CACNA2D3: variants seen among roughly 807,000 people sequenced by gnomAD.
CACNA2D3 encodes voltage-dependent calcium channel subunit alpha-2/delta-3.
CACNA2D3 carries 60 observed loss-of-function variants against 160.6 expected under a neutral mutation model. The observed-to-expected ratio is 0.37, with a 90% confidence interval of 0.30 to 0.46. The LOEUF (loss-of-function observed/expected upper bound fraction) is 0.46. Among genes scored for constraint, CACNA2D3 ranks in the 20% least tolerant of loss-of-function variants. The probability of loss-of-function intolerance (pLI) is 1.00; values close to 1 mark genes in which losing one functional copy is unlikely to be tolerated. For missense variants in CACNA2D3, 1,205 were observed against 1,365.0 expected (o/e 0.88, Z 1.85); for synonymous variants, 558 against 492.9 (o/e 1.13, Z -1.75).
chr3:54,673,642 C>A (rs547227904), intron 11 of CACNA2D3, among the ~76,000 whole-genome samples: 16 of 152,300 alleles, frequency 1.1e-4, no homozygotes, highest in South Asian at 6.2e-4. Context: ...ACTTAAATGA[C>A]AATCTTTTGT....
chr3:54,597,496 G>A (rs12494792), intron 9 of CACNA2D3, among the ~76,000 whole-genome samples: 35,266 of 152,088 alleles, frequency 0.23, 4,889 homozygotes, highest in Admixed American at 0.36. Context: ...TTAAAAGGGT[G>A]TCTAGCCCAT....
chr3:54,175,046 G>T (rs1343959100), intron 2 of CACNA2D3, among the ~76,000 whole-genome samples: 2 of 152,174 alleles, frequency 1.3e-5, no homozygotes, highest in Admixed American at 1.3e-4. Context: ...AGTTGGATTT[G>T]TACCTATCCC....
intron 4 of CACNA2D3, among the ~76,000 whole-genome samples, chr3:54,473,691 GAAAC>G (rs1700777031): frequency 1.3e-5 from 2 of 152,020 alleles, no homozygotes; most frequent in Admixed American, 6.5e-5. Flanking sequence ...TTACAAGGAA[GAAAC>G]AAACAACCCC....
At chr3:54,862,911 T>G (rs1000109188) in intron 17 of CACNA2D3, among the ~76,000 whole-genome samples, 7 of 152,230 alleles carry the variant, frequency 4.6e-5, no homozygotes, top group Admixed American at 3.3e-4. Flanking sequence ...TAGTTGTCCC[T>G]AATTGTACCT....
In CACNA2D3 at chr3:54,879,098, T is replaced by C; in HGVS notation, c.1782+9T>C. On this transcript the variant is annotated intron_variant, in intron 19 of 37. Transcript: ENST00000474759. Reference sequence around the variant, plus strand: ...AGACAGTGGACAAAGGGGTACATTTTTCTCAAACATTTTTGCTGCTTAATT... The same window carrying C: ...AGACAGTGGACAAAGGGGTACATTTCTCTCAAACATTTTTGCTGCTTAATT... 1.3e-6 allele frequency: 2 copies of C among 1,567,522 alleles called. No homozygotes were observed. Among genetic ancestry groups the C allele is most frequent in the African/African-American group, 2.7e-5 (2 of 73,138 alleles).
intron 2 of CACNA2D3, among the ~76,000 whole-genome samples, chr3:54,306,075 C>A (rs571456681): frequency 1.3e-5 from 2 of 152,274 alleles, no homozygotes; most frequent in Admixed American, 6.5e-5. Context: ...TAATCAGTTT[C>A]TTTCCTCTGT....
chr3:54,727,788 T>A (rs1701306273), intron 11 of CACNA2D3, among the ~76,000 whole-genome samples: 1 of 152,014 alleles, frequency 6.6e-6, no homozygotes, highest in African/African-American at 2.4e-5. Flanking sequence ...GGGATAACAT[T>A]AGGAGAAATA....
intron 27 of CACNA2D3, among the ~76,000 whole-genome samples, chr3:54,910,649 A>G (rs1700537224): frequency 6.6e-6 from 1 of 152,102 alleles, no homozygotes; most frequent in Non-Finnish European, 1.5e-5. Flanking sequence ...TTTACTCTCA[A>G]GGCTTTGAAC....
intron 3 of CACNA2D3, among the ~76,000 whole-genome samples, chr3:54,336,482 C>T (rs924639180): frequency 1.3e-5 from 2 of 152,234 alleles, no homozygotes; most frequent in Admixed American, 6.5e-5. Context: ...AGCATCAGGC[C>T]GGTCCTTAAT....
intron 35 of CACNA2D3, among the ~76,000 whole-genome samples, chr3:55,067,782 A>G (rs547812203): frequency 6.6e-6 from 1 of 152,314 alleles, no homozygotes; most frequent in African/African-American, 2.4e-5. Flanking sequence ...GAATTTATAG[A>G]AATGTGTCTT....
chr3:54,840,025 G>A (rs1172158874), intron 16 of CACNA2D3, among the ~76,000 whole-genome samples: 11 of 152,164 alleles, frequency 7.2e-5, no homozygotes, highest in Admixed American at 1.3e-4. Flanking sequence ...GACTTTTGAT[G>A]AAATTGCCAG....
chr3:54,945,987 T>C (rs1266942906), intron 27 of CACNA2D3, among the ~76,000 whole-genome samples: 3 of 152,210 alleles, frequency 2.0e-5, no homozygotes, highest in Non-Finnish European at 2.9e-5. Context: ...GCCACGCTTA[T>C]TCGCCTAGCT....
intron 2 of CACNA2D3, among the ~76,000 whole-genome samples, chr3:54,276,433 C>T (rs534823724): frequency 1.3e-5 from 2 of 151,932 alleles, no homozygotes; most frequent in African/African-American, 2.4e-5. Flanking sequence ...ATTAGCCAGG[C>T]GTGGTGGCAT....
intron 5 of CACNA2D3, among the ~76,000 whole-genome samples, chr3:54,555,161 C>T (rs1243120417): frequency 6.6e-6 from 1 of 152,058 alleles, no homozygotes; most frequent in Non-Finnish European, 1.5e-5. Flanking sequence ...CAGGTGTGAG[C>T]CAGTGTGCCC....
chr3:54,126,795 G>C (rs962790038), intron 2 of CACNA2D3, among the ~76,000 whole-genome samples: 1 of 152,202 alleles, frequency 6.6e-6, no homozygotes, highest in African/African-American at 2.4e-5. Context: ...TAAGCTGGCA[G>C]ATACTGCAGG....
intron 35 of CACNA2D3, among the ~76,000 whole-genome samples, chr3:55,045,826 T>C (rs999614575): frequency 2.6e-5 from 4 of 152,158 alleles, no homozygotes; most frequent in Non-Finnish European, 5.9e-5. Context: ...TTTATTAGTT[T>C]TATTGATCAT....
chr3:54,552,672 C>G (rs770611818), intron 5 of CACNA2D3, among the ~76,000 whole-genome samples: 3 of 152,062 alleles, frequency 2.0e-5, no homozygotes, highest in Non-Finnish European at 4.4e-5. Flanking sequence ...TTGTAAGTGC[C>G]CCCTAAGTGG....
intron 2 of CACNA2D3, among the ~76,000 whole-genome samples, chr3:54,225,892 G>A (rs907628793): frequency 2.0e-5 from 3 of 152,092 alleles, no homozygotes; most frequent in South Asian, 2.1e-4. Context: ...TATTTCTCCA[G>A]AGAGAATTTT....
At chr3:54,277,857 T>G (rs948874430) in intron 2 of CACNA2D3, among the ~76,000 whole-genome samples, 1 of 152,204 alleles carries the variant, frequency 6.6e-6, no homozygotes, top group Non-Finnish European at 1.5e-5. Context: ...CCTTGTAAGT[T>G]GTATTCCTAG....
Sources: gnomAD v4.1 joint callset for allele counts (sites outside exome capture counted in the v4.1 genomes callset) on GRCh38, gnomAD v4.1.1 for gene constraint, MANE v1.5 for transcripts, NCBI Gene and HGNC (gene_info 2026-07-23, HGNC 2026-07-21) for gene names.